Variants in CSMD3 observed in about 807,000 individuals in gnomAD.
CSMD3 encodes CUB and Sushi multiple domains 3, also known as CUB and sushi domain-containing protein 3.
In CSMD3, 177 loss-of-function variants were observed where a neutral mutation model predicts 435.2. The observed-to-expected ratio is 0.41, with a 90% CI of 0.36 to 0.46. The LOEUF (loss-of-function observed/expected upper bound fraction) is 0.46. CSMD3 is among the 20% of genes least tolerant of loss of function. The pLI is 0.34. For synonymous variants in CSMD3, 1,656 were observed against 1,520.5 expected (o/e 1.09, Z -2.07); for missense variants, 4,265 against 4,504.6 (o/e 0.95, Z 1.52).
intron 5 of CSMD3, among the ~76,000 whole-genome samples, chr8:113,029,150 CAAAA>C (rs2131226272): frequency 6.6e-6 from 1 of 151,518 alleles, no homozygotes; most frequent in African/African-American, 2.4e-5. Flanking sequence ...TGCCTGTACT[CAAAA>C]ATAGTCCAGG....
intron 38 of CSMD3, among the ~76,000 whole-genome samples, chr8:112,361,275 A>G (rs1205350250): frequency 6.6e-6 from 1 of 151,696 alleles, no homozygotes; most frequent in East Asian, 1.9e-4. Flanking sequence ...CTGCTGTTGT[A>G]GCCAAAAAAA....
At chr8:113,184,348 A>T (rs894574818) in intron 3 of CSMD3, among the ~76,000 whole-genome samples, 2 of 151,930 alleles carry the variant, frequency 1.3e-5, no homozygotes, top group Non-Finnish European at 2.9e-5. Context: ...TTGGTAATCA[A>T]CTTAACCTTT....
chr8:112,586,150 A>T (rs1830709338), intron 23 of CSMD3, among the ~76,000 whole-genome samples: 1 of 151,600 alleles, frequency 6.6e-6, no homozygotes, highest in African/African-American at 2.4e-5. Flanking sequence ...ATATTTTTTT[A>T]AAAAGAAACT....
chr8:113,402,372 T>C (rs1210202160), intron 1 of CSMD3, among the ~76,000 whole-genome samples: 1 of 151,368 alleles, frequency 6.6e-6, no homozygotes, highest in East Asian at 1.9e-4. Context: ...AAATATGTTA[T>C]ACTTTGATTT....
intron 45 of CSMD3, among the ~76,000 whole-genome samples, chr8:112,323,803 T>C (rs569109527): frequency 1.3e-5 from 2 of 152,176 alleles, no homozygotes; most frequent in East Asian, 3.9e-4. Flanking sequence ...AGTATTTACC[T>C]GGAATCCACT....
chr8:112,530,033 C>T (rs1304993683), intron 27 of CSMD3, among the ~76,000 whole-genome samples: 2 of 151,762 alleles, frequency 1.3e-5, no homozygotes, highest in South Asian at 2.1e-4. Context: ...AAATAACTAG[C>T]GAGGTCCAGC....
At chr8:113,330,793 G>A (rs1047077823) in intron 1 of CSMD3, among the ~76,000 whole-genome samples, 9 of 151,804 alleles carry the variant, frequency 5.9e-5, no homozygotes, top group Admixed American at 2.0e-4. Flanking sequence ...AAAAATGGCA[G>A]AATTGAAGGG....
At chr8:112,458,215 C>CCACACCCACACACACACACA (rs1554579457) in intron 32 of CSMD3, among the ~76,000 whole-genome samples, 1 of 150,690 alleles carries the variant, frequency 6.6e-6, no homozygotes, top group African/African-American at 2.4e-5. Flanking sequence ...ACACTCACAC[C>CCACACCCACACACACACACA]CACACACACA....
intron 50 of CSMD3, among the ~76,000 whole-genome samples, chr8:112,308,899 A>C (rs1821692764): frequency 6.6e-6 from 1 of 152,082 alleles, no homozygotes; most frequent in Admixed American, 6.6e-5. Context: ...AAGTTGAAAT[A>C]AAAGGTGCAT....
At chr8:112,255,452 A>C (rs750276522) in intron 61 of CSMD3, 25 bp from the exon 62 acceptor site, 2 of 1,610,828 alleles carry the variant, frequency 1.2e-6, no homozygotes, top group African/African-American at 1.3e-5. Context: ...AAAGACGCTT[A>C]TATCAAAGAT....
chr8:112,325,376 T>C (rs1025571301), intron 45 of CSMD3, among the ~76,000 whole-genome samples: 3 of 152,176 alleles, frequency 2.0e-5, no homozygotes, highest in African/African-American at 7.2e-5. Context: ...AAAACAGAGA[T>C]GTCTTCACTG....
chr8:112,403,792 A>G (rs2129961449), intron 35 of CSMD3, among the ~76,000 whole-genome samples: 1 of 152,232 alleles, frequency 6.6e-6, no homozygotes, highest in African/African-American at 2.4e-5. Flanking sequence ...GGAGAGAATA[A>G]ATATTCAGAC....
rs180749817 is a variant in CSMD3 at position 113,108,288 on chromosome 8, C to G, written c.710-9325G>C. 8.2e-4 allele frequency among the ~76,000 whole-genome samples: 124 copies of G among 151,932 alleles called. 1 individual carries two copies. In the East Asian group the frequency reaches 0.022, roughly 28 times the overall value. On this transcript the variant is annotated intron_variant, in intron 4 of 70. Coordinates refer to ENST00000297405, the MANE Select transcript of CSMD3 (RefSeq NM_198123.2). ...ACTAAAAATATAAAAATTAGCGGGGCGTGGTGGCAGGTGCCTGTAGTCCCA... is the reference window on the plus strand; with the variant it reads ...ACTAAAAATATAAAAATTAGCGGGGGGTGGTGGCAGGTGCCTGTAGTCCCA...
intron 45 of CSMD3, among the ~76,000 whole-genome samples, chr8:112,332,716 C>A (rs1824183559): frequency 6.6e-6 from 1 of 152,066 alleles, no homozygotes. Flanking sequence ...TAGGCTCTGG[C>A]AATTTTTTTG....
At chr8:112,311,780 T>A (rs1821997309) in intron 49 of CSMD3, among the ~76,000 whole-genome samples, 2 of 152,208 alleles carry the variant, frequency 1.3e-5, no homozygotes, top group Admixed American at 1.3e-4. Flanking sequence ...TACTGTCAAA[T>A]AGCTTTTTCA....
chr8:112,610,897 C>T (rs1384494299), intron 22 of CSMD3, among the ~76,000 whole-genome samples: 1 of 152,106 alleles, frequency 6.6e-6, no homozygotes, highest in South Asian at 2.1e-4. Context: ...TATTTCAATT[C>T]AGAAAGAAGC....
intron 1 of CSMD3, among the ~76,000 whole-genome samples, chr8:113,346,175 G>A (rs1468338191): frequency 1.3e-5 from 2 of 151,878 alleles, no homozygotes; most frequent in South Asian, 2.1e-4. Flanking sequence ...AGAGGAGGAC[G>A]TTTTCTTACT....
At chr8:112,738,796 A>G (rs2077241068) in intron 13 of CSMD3, among the ~76,000 whole-genome samples, 1 of 151,740 alleles carries the variant, frequency 6.6e-6, no homozygotes, top group African/African-American at 2.4e-5. Flanking sequence ...ATAAAAAGCA[A>G]TAACTTTATT....
intron 31 of CSMD3, among the ~76,000 whole-genome samples, chr8:112,483,701 G>A (rs901076312): frequency 1.3e-5 from 2 of 152,082 alleles, no homozygotes; most frequent in African/African-American, 4.8e-5. Flanking sequence ...CTTTTGTAAG[G>A]CCTTAGGAAA....
Sources: allele counts gnomAD v4.1 joint callset (sites outside exome capture counted in the v4.1 genomes callset), GRCh38; gene constraint gnomAD v4.1.1; transcripts MANE v1.5; gene names NCBI Gene and HGNC (gene_info 2026-07-23, HGNC 2026-07-21).